The following LMAN1L variants were observed in gnomAD, a reference collection of about 807,000 sequenced individuals.
LMAN1L encodes the protein protein ERGIC-53-like.
LMAN1L carries 60 observed loss-of-function variants against 58.3 expected under a neutral mutation model. The observed-to-expected ratio is 1.03, with a 90% CI of 0.84 to 1.27. The LOEUF (loss-of-function observed/expected upper bound fraction) is 1.27, where lower values mean the gene tolerates loss of function less well. Ranked by LOEUF, LMAN1L falls within the 50% of genes most tolerant of loss-of-function variation. The pLI, the probability that LMAN1L is intolerant of heterozygous loss-of-function variation, is 0.00. For missense variants in LMAN1L, 629 were observed against 674.0 expected (o/e 0.93, Z 0.74); for synonymous variants, 280 against 271.6 (o/e 1.03, Z -0.31).
At position 74,823,668 on chromosome 15, in the gene LMAN1L, C is replaced by A. The variant is rs114366521; in HGVS notation, c.1309C>A (p.Leu437Ile). 6.2e-7 allele frequency: 1 copy of A among 1,613,396 alleles called. No individual in the cohort carries two copies. Among genetic ancestry groups the A allele is most frequent in the African/African-American group, 1.3e-5 (1 of 74,844 alleles). The change falls in exon 12 of 14, where the codon CTT (leucine) becomes ATT (isoleucine). Residue 437 changes from leucine to isoleucine, a missense_variant. By Grantham distance (5) the Leu-to-Ile change is conservative (BLOSUM62 2). Transcript: ENST00000309664. ...CATCCTGGGCCTCCTGCAGGAGGAG[C>A]TTCGGGGCCCGGCGGTGAGGGGAAA... is the stretch of plus-strand genomic sequence containing the variant. ...DHILGLLQEE[L>I]RGPAKAAAKA...
chr15:74,818,720 A>G lies in LMAN1L; in HGVS notation c.500A>G (p.Asp167Gly), dbSNP rs766751598. 6.2e-6 allele frequency: 10 copies of G among 1,605,918 alleles called. No individual in the cohort carries two copies. Among genetic ancestry groups the G allele is most frequent in the Non-Finnish European group, 8.5e-6 (10 of 1,176,388 alleles). ...DGHIPSEQPG[D>G]GASQGLGSCH... ...ACAAATGAACAAACTGCCCACAGGG[A>G]TGGAGCTAGCCAAGGGCTGGGCTCC... is the stretch of plus-strand genomic sequence containing the variant. Residue 167 changes from aspartate to glycine, a missense_variant and splice_region_variant, in exon 5 of 14, where the codon GAT (aspartate) becomes GGT (glycine). Physicochemically the swap from Asp to Gly is moderately conservative, Grantham distance 94. This residue lies in a region of LMAN1L where 573 missense variants were observed against 597.3 expected (regional missense o/e 0.96). Coordinates refer to ENST00000309664, the MANE Select transcript of LMAN1L (RefSeq NM_021819.3).
At chr15:74,819,118 C>T (rs369338825) in intron 5 of LMAN1L, 34 bp from the exon 6 acceptor site, 5 of 1,573,710 alleles carry the variant, frequency 3.2e-6, no homozygotes, top group South Asian at 2.3e-5. Flanking sequence ...GGTAGGGACA[C>T]CCCCCCACTG....
At chr15:74,813,152 A>G in intron 1 of LMAN1L, 123 bp downstream of exon 1, 1 of 1,100,924 alleles carries the variant, frequency 9.1e-7, no homozygotes, top group Non-Finnish European at 1.3e-6. Flanking sequence ...AAGGCCTGGG[A>G]CAGTGCCAGG....
intron 10 of LMAN1L, among the ~76,000 whole-genome samples, chr15:74,822,288 C>T: frequency 6.6e-6 from 1 of 152,124 alleles, no homozygotes; most frequent in East Asian, 1.9e-4. Flanking sequence ...ATCGCTTGAA[C>T]CCAGGAGGCA....
chr15:74,823,511 A>C (rs2063926558), intron 11 of LMAN1L, 48 bp from the exon 12 acceptor site: 2 of 1,605,514 alleles, frequency 1.2e-6, no homozygotes, highest in East Asian at 2.2e-5. Context: ...TCTGGGTGGA[A>C]GCAGAAGAGG....
At chr15:74,821,965 C>T in intron 10 of LMAN1L, 65 bp downstream of exon 10, 1 of 1,158,988 alleles carries the variant, frequency 8.6e-7, no homozygotes. Flanking sequence ...TCTGGGAGAA[C>T]CAGGGCAGAG....
intron 1 of LMAN1L, among the ~76,000 whole-genome samples, chr15:74,814,660 C>T (rs908267351): frequency 2.0e-5 from 3 of 152,196 alleles, no homozygotes; most frequent in Admixed American, 1.3e-4. Context: ...GGCGAGCCAC[C>T]GCGCCCAGCC....
chr15:74,813,496 C>G, intron 1 of LMAN1L: 1 of 456,904 alleles, frequency 2.2e-6, no homozygotes, highest in South Asian at 1.5e-5. Context: ...GGGCACCAGC[C>G]CTTCCCTGTA....
At chr15:74,813,117 A>G in intron 1 of LMAN1L, 88 bp downstream of exon 1, 3 of 1,411,656 alleles carry the variant, frequency 2.1e-6, no homozygotes, top group East Asian at 2.3e-5. Context: ...GGTCTGTCAC[A>G]GCCATCCTCT....
intron 5 of LMAN1L, 76 bp from the exon 6 acceptor site, chr15:74,819,076 C>T: frequency 6.6e-7 from 1 of 1,523,322 alleles, no homozygotes. Flanking sequence ...GGCCACCTGC[C>T]ATCCCACGGC....
At chr15:74,813,608 ATCTTGTTC>A (rs1555466692) in intron 1 of LMAN1L, 24 of 378,980 alleles carry the variant, frequency 6.3e-5, no homozygotes, top group Admixed American at 1.9e-4. Context: ...CTTCTACCAG[ATCTTGTTC>A]AAAAAAGGGT....
chr15:74,823,364 C>T (rs1446625392), intron 11 of LMAN1L, among the ~76,000 whole-genome samples, 195 bp from the exon 12 acceptor site: 1 of 152,060 alleles, frequency 6.6e-6, no homozygotes, highest in Non-Finnish European at 1.5e-5. Flanking sequence ...TTAGGGAGAT[C>T]TTTATCTGAG....
chr15:74,813,173 C>T (rs1453678696), intron 1 of LMAN1L, 144 bp downstream of exon 1: 16 of 882,032 alleles, frequency 1.8e-5, no homozygotes, highest in Non-Finnish European at 2.6e-5. Flanking sequence ...CACCCCAGGA[C>T]CCCTTCCAGG....
Position 74,825,643 on chromosome 15 carries a change from G to C in LMAN1L, c.*38G>C, listed in dbSNP as rs569740173. Reference sequence around the variant, plus strand: ...CCTGCTTTGCATCACTGGGAAGCAGGCAGTGTCTTGGGTGGGGGCTTGGTC... The same window carrying C: ...CCTGCTTTGCATCACTGGGAAGCAGCCAGTGTCTTGGGTGGGGGCTTGGTC... On this transcript the variant is annotated 3_prime_UTR_variant, in exon 14 of 14. Transcript: ENST00000309664. The C allele has an allele frequency of 4.4e-6, 7 of 1,590,564 alleles. No homozygotes were observed. In the South Asian group the frequency reaches 6.6e-5, roughly 15 times the overall value.
At chr15:74,813,110 C>G (rs560519474) in intron 1 of LMAN1L, 81 bp downstream of exon 1, 200 of 1,433,678 alleles carry the variant, frequency 1.4e-4, no homozygotes, top group Non-Finnish European at 1.8e-4. Context: ...GGGAGTGGGT[C>G]TGTCACAGCC....
At chr15:74,813,771 G>A (rs555155436) in intron 1 of LMAN1L, among the ~76,000 whole-genome samples, 2 of 152,172 alleles carry the variant, frequency 1.3e-5, no homozygotes, top group Non-Finnish European at 2.9e-5. Context: ...ATTTAATTCT[G>A]AGCCTCTTAG....
rs993169993 is a variant in LMAN1L, at chr15:74,816,434, G to C, written c.338G>C (p.Trp113Ser). Residue 113 changes from tryptophan to serine, a missense_variant, in exon 3 of 14, where the codon TGG becomes TCG. Coordinates refer to ENST00000309664, the MANE Select transcript of LMAN1L (RefSeq NM_021819.3). ...GRRGAQGMAV[W>S]YTRGRGHVGS... ...GGGGCTGGGGACCTGCAGGCCGTGT[G>C]GTACACCCGGGGCAGGGGCCATGTA... The C allele has an allele frequency of 6.4e-7, 1 of 1,558,432 alleles. No individual in the cohort carries two copies. Among genetic ancestry groups the C allele is most frequent in the African/African-American group, 1.4e-5 (1 of 73,940 alleles).
chr15:74,820,120 C>G (rs1471339928), intron 7 of LMAN1L, 21 bp downstream of exon 7: 3 of 1,609,688 alleles, frequency 1.9e-6, no homozygotes, highest in Non-Finnish European at 2.6e-6. Context: ...CCCTGGCCTA[C>G]CTGGGAATGG....
intron 10 of LMAN1L, 133 bp downstream of exon 10, chr15:74,822,033 C>G (rs11072509): frequency 0.68 from 432,908 of 640,594 alleles, 148,111 homozygotes; most frequent in Non-Finnish European, 0.72. Flanking sequence ...AGAAGGGAGA[C>G]GTATTTTGGC....
Sources: allele counts gnomAD v4.1 joint callset (sites outside exome capture counted in the v4.1 genomes callset), GRCh38; gene constraint gnomAD v4.1.1; regional missense constraint gnomAD v4.1.1; transcripts MANE v1.5; gene names NCBI Gene and HGNC (gene_info 2026-07-23, HGNC 2026-07-21).